GDPD5: variants seen among roughly 807,000 people sequenced by gnomAD.
GDPD5 encodes glycerophosphodiester phosphodiesterase 2.
GDPD5 carries 48 observed loss-of-function variants against 75.1 expected under a neutral mutation model. The observed-to-expected ratio is 0.64, with a 90% CI of 0.51 to 0.81. The LOEUF (loss-of-function observed/expected upper bound fraction) is 0.81, where lower values mean the gene tolerates loss of function less well. GDPD5 is among the 40% of genes least tolerant of loss of function. GDPD5 has a pLI of 0.00. For missense variants in GDPD5, 706 were observed against 822.6 expected (o/e 0.86, Z 1.73); for synonymous variants, 336 against 339.0 (o/e 0.99, Z 0.10).
chr11:75,440,985 T>C (rs990395063), intron 14 of GDPD5, among the ~76,000 whole-genome samples, 178 bp downstream of exon 14: 6 of 152,174 alleles, frequency 3.9e-5, no homozygotes, highest in African/African-American at 9.7e-5. Flanking sequence ...AGCACCTTAG[T>C]GCAGATCCCA....
chr11:75,491,929 T>C (rs1950116554), intron 1 of GDPD5, among the ~76,000 whole-genome samples: 1 of 152,032 alleles, frequency 6.6e-6, no homozygotes, highest in Admixed American at 6.5e-5. Context: ...TAGACAGACA[T>C]GGATATTGAG....
chr11:75,457,844 G>C, intron 4 of GDPD5, 58 bp from the exon 5 acceptor site: 1 of 1,362,186 alleles, frequency 7.3e-7, no homozygotes, highest in Non-Finnish European at 1.0e-6. Context: ...CCTGGCCCAG[G>C]AATCAGGATG....
Position 75,502,042 on chromosome 11 carries a change from C to T in GDPD5, c.-144-11722G>A, listed in dbSNP as rs563299331. On this transcript the variant is annotated intron_variant, in intron 1 of 16. Transcript: ENST00000336898. ...TTGATTTGCCCTCAGAAATGGCTTCCTCATGATGGTACTCAAGCCTCTCAT... is the reference window on the plus strand; with the variant it reads ...TTGATTTGCCCTCAGAAATGGCTTCTTCATGATGGTACTCAAGCCTCTCAT... 2.0e-4 allele frequency among the ~76,000 whole-genome samples: 31 copies of T among 152,316 alleles called. No individual in the cohort carries two copies. In the South Asian group the frequency reaches 5.4e-3, roughly 26 times the overall value.
At chr11:75,513,434 A>T (rs1385268429) in intron 1 of GDPD5, among the ~76,000 whole-genome samples, 3 of 152,122 alleles carry the variant, frequency 2.0e-5, no homozygotes, top group Admixed American at 1.3e-4. Context: ...GGTGGGAGTC[A>T]GGGTGTAAGC....
intron 4 of GDPD5, among the ~76,000 whole-genome samples, chr11:75,458,673 A>AAAATAAATAAATAAAT (rs71036053): frequency 0.1 from 15,105 of 147,264 alleles, 1,214 homozygotes; most frequent in East Asian, 0.4. Context: ...CTCTGTCTCA[A>AAAATAAATAAATAAAT]AAATAAATAA....
intron 9 of GDPD5, among the ~76,000 whole-genome samples, chr11:75,445,588 AT>A (rs1948965815): frequency 6.6e-6 from 1 of 152,138 alleles, no homozygotes; most frequent in Admixed American, 6.5e-5. Flanking sequence ...GACACCCCCG[AT>A]CCCCCTGCCC....
At chr11:75,439,809 C>T (rs1280188530) in intron 15 of GDPD5, 70 bp downstream of exon 15, 2 of 1,305,448 alleles carry the variant, frequency 1.5e-6, no homozygotes, top group South Asian at 1.2e-5. Context: ...AGAGGGTTCA[C>T]CTGGCTGGGG....
intron 4 of GDPD5, among the ~76,000 whole-genome samples, chr11:75,462,419 A>G (rs1399632199): frequency 6.6e-6 from 1 of 152,140 alleles, no homozygotes. Context: ...AATCCCAGTC[A>G]TTCTTTAAGG....
At position 75,525,818 on chromosome 11, in the gene GDPD5, C is replaced by G. The variant is rs923721452; in HGVS notation, c.-753G>C. 2.6e-5 allele frequency: 4 copies of G among 151,360 alleles called. No homozygotes were observed. Among genetic ancestry groups the G allele is most frequent in the Non-Finnish European group, 5.9e-5 (4 of 67,756 alleles). 9.4% of individuals were successfully genotyped at this position (151,360 alleles called of 1,614,324 possible). On this transcript the variant is annotated 5_prime_UTR_variant, in exon 1 of 17. Transcript: ENST00000336898. ...GCGCGGCGGCCGACTCCCGAGCTCC[C>G]GGCCGCGGCTCCACTTCCTCCTCTT...
intron 9 of GDPD5, among the ~76,000 whole-genome samples, chr11:75,445,699 C>T (rs1024769344): frequency 2.6e-5 from 4 of 152,198 alleles, no homozygotes; most frequent in South Asian, 2.1e-4. Context: ...TCCCTCTGGC[C>T]ACGATGTTCC....
intron 1 of GDPD5, among the ~76,000 whole-genome samples, chr11:75,513,900 T>C (rs1021377576): frequency 6.6e-6 from 1 of 152,194 alleles, no homozygotes; most frequent in Non-Finnish European, 1.5e-5. Context: ...CTGGCCCAGG[T>C]GCCATGGGAG....
intron 4 of GDPD5, among the ~76,000 whole-genome samples, chr11:75,462,372 G>T (rs186325665): frequency 2.2e-4 from 33 of 152,206 alleles, no homozygotes; most frequent in African/African-American, 7.7e-4. Context: ...AGCACCAAGG[G>T]GTCTCCAAGA....
chr11:75,513,683 C>T (rs912531769), intron 1 of GDPD5, among the ~76,000 whole-genome samples: 2 of 152,228 alleles, frequency 1.3e-5, no homozygotes, highest in Non-Finnish European at 2.9e-5. Flanking sequence ...CTGGGTTCCT[C>T]GCTCTCAACC....
At chr11:75,454,563 G>A (rs1210133800) in intron 6 of GDPD5, among the ~76,000 whole-genome samples, 1 of 152,248 alleles carries the variant, frequency 6.6e-6, no homozygotes, top group Non-Finnish European at 1.5e-5. Context: ...TCTATCAACA[G>A]GGAACTGGCT....
At chr11:75,496,909 T>C (rs1950221546) in intron 1 of GDPD5, among the ~76,000 whole-genome samples, 1 of 150,950 alleles carries the variant, frequency 6.6e-6, no homozygotes, top group Non-Finnish European at 1.5e-5. Flanking sequence ...GCCTCCTGAG[T>C]CTCTAGGACT....
chr11:75,520,303 T>C (rs1770837763), intron 1 of GDPD5, among the ~76,000 whole-genome samples: 1 of 152,240 alleles, frequency 6.6e-6, no homozygotes, highest in African/African-American at 2.4e-5. Flanking sequence ...GTGCCAGGCC[T>C]GGACAGGCAC....
chr11:75,462,377 C>A (rs1216031487), intron 4 of GDPD5, among the ~76,000 whole-genome samples: 1 of 152,162 alleles, frequency 6.6e-6, no homozygotes, highest in Non-Finnish European at 1.5e-5. Context: ...CAAGGGGTCT[C>A]CAAGACCAGC....
At chr11:75,506,395 CCA>C (rs1360009231) in intron 1 of GDPD5, among the ~76,000 whole-genome samples, 1 of 152,144 alleles carries the variant, frequency 6.6e-6, no homozygotes, top group African/African-American at 2.4e-5. Flanking sequence ...CCGGGGAAGT[CCA>C]GTGGCTGCCC....
At chr11:75,437,190 C>T in intron 15 of GDPD5, 142 bp from the exon 16 acceptor site, 2 of 625,912 alleles carry the variant, frequency 3.2e-6, no homozygotes, top group Non-Finnish European at 5.6e-6. Context: ...GGAAATAGGC[C>T]CAGAGAGGGC....
Sources: gnomAD v4.1 joint callset for allele counts (sites outside exome capture counted in the v4.1 genomes callset) on GRCh38, gnomAD v4.1.1 for gene constraint, MANE v1.5 for transcripts, NCBI Gene and HGNC (gene_info 2026-07-23, HGNC 2026-07-21) for gene names.